MMP2: variants seen among roughly 807,000 people sequenced by gnomAD.
MMP2 encodes matrix metallopeptidase 2, also known as 72 kDa type IV collagenase.
In MMP2, 39 loss-of-function variants were observed where a neutral mutation model predicts 74.8. The observed-to-expected ratio is 0.52, with a 90% confidence interval of 0.40 to 0.68. The LOEUF (loss-of-function observed/expected upper bound fraction) is 0.68. MMP2 is among the 30% of genes least tolerant of loss of function. MMP2 has a pLI of 0.00. For synonymous variants in MMP2, 367 were observed against 339.8 expected, an observed-to-expected ratio of 1.08 and a Z score of -0.88; for missense variants, 803 against 878.3, an observed-to-expected ratio of 0.91 and a Z score of 1.08.
At chr16:55,481,247 G>A (rs1039435580) in intron 1 of MMP2, among the ~76,000 whole-genome samples, 1 of 152,126 alleles carries the variant, frequency 6.6e-6, no homozygotes, top group Non-Finnish European at 1.5e-5. Context: ...AAAAAGGGTG[G>A]GGAGTTCCTG....
chr16:55,489,968 G>A, intron 7 of MMP2, 144 bp downstream of exon 7: 1 of 923,002 alleles, frequency 1.1e-6, no homozygotes, highest in Non-Finnish European at 1.7e-6. Context: ...GCCCACCTGG[G>A]CTGAGACAAT....
rs243842 is a variant in MMP2, at chr16:55,493,510, T to C, written c.1472+217T>C. ...CTCTCATAGTCTGTGGGTCTACTAG[T>C]TATCTTGACTTTCAGCTACAGTTTG... is the stretch of plus-strand genomic sequence containing the variant. On this transcript the variant is annotated intron_variant, in intron 9 of 12. Transcript: ENST00000219070. 0.36 allele frequency among the ~76,000 whole-genome samples: 55,371 copies of C among 152,062 alleles called. 10,141 individuals are homozygous for C. The highest frequency in any genetic ancestry group is 0.39 in the South Asian group (1,869 of 4,816).
At chr16:55,488,939 T>C (rs1962331036) in intron 6 of MMP2, among the ~76,000 whole-genome samples, 1 of 152,126 alleles carries the variant, frequency 6.6e-6, no homozygotes, top group African/African-American at 2.4e-5. Flanking sequence ...GCATCAACAG[T>C]TGAATTGGTG....
chr16:55,504,960 GT>G (rs34621950), intron 12 of MMP2, among the ~76,000 whole-genome samples: 72,334 of 149,996 alleles, frequency 0.48, 17,382 homozygotes, highest in East Asian at 0.64. Context: ...CCACAGTTGA[GT>G]TTTTTTTTTG....
At chr16:55,494,051 C>T (rs1962478508) in intron 9 of MMP2, among the ~76,000 whole-genome samples, 1 of 152,204 alleles carries the variant, frequency 6.6e-6, no homozygotes, top group Non-Finnish European at 1.5e-5. Context: ...TCTACCCATC[C>T]ATCCATCCAT....
At position 55,505,525 on chromosome 16, in the gene MMP2, G is replaced by A; in HGVS notation, c.*83G>A. ...GAGAACTAGAGAAGGACCCGGAGGG[G>A]CCTGGCAGCCGTGCCTTCAGCTCTA... On this transcript the variant is annotated 3_prime_UTR_variant, in exon 13 of 13. Coordinates refer to ENST00000219070, the MANE Select transcript of MMP2 (RefSeq NM_004530.6). 1 of 1,196,214 alleles carries A rather than the reference G, an allele frequency of 8.4e-7. No individual in the cohort carries two copies. Among genetic ancestry groups the A allele is most frequent in the Non-Finnish European group, 1.2e-6 (1 of 802,016 alleles). 74.1% of individuals were successfully genotyped at this position (1,196,214 alleles called of 1,614,324 possible). A position where few individuals can be genotyped will look rare whatever the true frequency, so the allele number is the denominator to read the frequency against.
intron 9 of MMP2, among the ~76,000 whole-genome samples, chr16:55,495,720 A>T (rs1962514970): frequency 2.6e-5 from 4 of 152,214 alleles, no homozygotes; most frequent in Admixed American, 2.6e-4. Context: ...CAGTAGAGAG[A>T]AATTGCTTTC....
At position 55,479,517 on chromosome 16, in the gene MMP2, C is replaced by T. The variant is rs1183157128; in HGVS notation, c.38C>T (p.Pro13Leu). ...ALMARGALTG[P>L]LRALCLLGCL... Reference sequence around the variant, plus strand: ...ATGGCCCGGGGCGCGCTCACGGGTCCCCTGAGGGCGCTCTGTCTCCTGGGC... The same window carrying T: ...ATGGCCCGGGGCGCGCTCACGGGTCTCCTGAGGGCGCTCTGTCTCCTGGGC... Residue 13 changes from proline to leucine, a missense_variant, in exon 1 of 13, where the codon CCC becomes CTC. Coordinates refer to ENST00000219070, the MANE Select transcript of MMP2 (RefSeq NM_004530.6). 1.4e-5 allele frequency: 23 copies of T among 1,603,656 alleles called. No individual in the cohort carries two copies. Among genetic ancestry groups the T allele is most frequent in the Non-Finnish European group, 2.0e-5 (23 of 1,175,710 alleles).
chr16:55,482,846 C>T, intron 1 of MMP2, 63 bp from the exon 2 acceptor site: 1 of 1,410,402 alleles, frequency 7.1e-7, no homozygotes, highest in Non-Finnish European at 1.0e-6. Flanking sequence ...CTACAGCCTG[C>T]TTTGGTCAGT....
At chr16:55,493,350 C>A in intron 9 of MMP2, 57 bp downstream of exon 9, 1 of 1,609,188 alleles carries the variant, frequency 6.2e-7, no homozygotes, top group Non-Finnish European at 8.5e-7. Context: ...GCTCTTATAC[C>A]ATTATTCTTT....
intron 5 of MMP2, chr16:55,488,092 A>G (rs1033265202): frequency 4.0e-5 from 9 of 224,522 alleles, no homozygotes; most frequent in Admixed American, 2.6e-4. Flanking sequence ...GACCATGAGC[A>G]GTTTGAGAAC....
chr16:55,480,450 G>A (rs1430405851), intron 1 of MMP2: 1 of 152,316 alleles, frequency 6.6e-6, no homozygotes, highest in Admixed American at 6.5e-5. Flanking sequence ...CCGGCGCGTG[G>A]GGCGGGGGCG....
At chr16:55,488,393 C>T in intron 5 of MMP2, 150 bp from the exon 6 acceptor site, 1 of 777,972 alleles carries the variant, frequency 1.3e-6, no homozygotes, top group Non-Finnish European at 2.1e-6. Flanking sequence ...CTCAGAGAAG[C>T]AGCTCCTTAC....
Position 55,479,230 on chromosome 16 carries a change from A to G in MMP2, c.-250A>G. ...CCAGACTTCCTCAGGCGGTGGCTGG[A>G]GGCTGCGCATCTGGGGCTTTAAACA... On this transcript the variant is annotated 5_prime_UTR_variant, in exon 1 of 13. Transcript: ENST00000219070. 1 of 284,634 alleles carries G rather than the reference A, an allele frequency of 3.5e-6. No individual in the cohort carries two copies. Among genetic ancestry groups the G allele is most frequent in the Non-Finnish European group, 6.4e-6 (1 of 155,970 alleles). 17.6% of individuals were successfully genotyped at this position (284,634 alleles called of 1,614,324 possible). A position where few individuals can be genotyped will look rare whatever the true frequency, so the allele number is the denominator to read the frequency against.
rs17859890 is a variant in MMP2, at chr16:55,485,979, G to A, written c.832+202G>A. ...CTCTCCCACCAGTACCATGATGAAC[G>A]TAGTACTCTAATTAAATCAAGTTGA... On this transcript the variant is annotated intron_variant, in intron 5 of 12. Coordinates refer to ENST00000219070, the MANE Select transcript of MMP2 (RefSeq NM_004530.6). 9.1e-3 allele frequency among the ~76,000 whole-genome samples: 1,381 copies of A among 152,180 alleles called. 27 individuals carry two copies. The highest frequency in any genetic ancestry group is 0.031 in the African/African-American group (1,275 of 41,480).
intron 8 of MMP2, among the ~76,000 whole-genome samples, chr16:55,492,545 T>C (rs1231950287): frequency 6.6e-6 from 1 of 151,824 alleles, no homozygotes; most frequent in Admixed American, 6.6e-5. Context: ...ATGGTCCAGG[T>C]GATATCTGAG....
At chr16:55,491,174 C>T (rs1340486918) in intron 7 of MMP2, among the ~76,000 whole-genome samples, 13 of 151,350 alleles carry the variant, frequency 8.6e-5, no homozygotes, top group African/African-American at 2.2e-4. Flanking sequence ...AAGTGATTCT[C>T]CTGCCTATTT....
At chr16:55,489,907 AC>A in intron 7 of MMP2, 83 bp downstream of exon 7, 2 of 1,481,262 alleles carry the variant, frequency 1.4e-6, no homozygotes, top group Non-Finnish European at 1.8e-6. Flanking sequence ...CTGAGACCTC[AC>A]CCACTTCAAG....
Position 55,479,578 on chromosome 16 carries a change from C to T in MMP2, c.99C>T (p.Pro33=). 1 of 1,613,620 alleles carries T rather than the reference C, an allele frequency of 6.2e-7. No homozygotes were observed. The highest frequency in any genetic ancestry group is 8.5e-7 in the Non-Finnish European group (1 of 1,179,990). ...LLSHAAAAPS[P]IIKFPGDVAP... is the part of the protein sequence containing the mutation. Reference sequence around the variant, plus strand: ...GCCACGCCGCCGCCGCGCCGTCGCCCATCATCAAGTTCCCCGGCGATGTCG... The same window carrying T: ...GCCACGCCGCCGCCGCGCCGTCGCCTATCATCAAGTTCCCCGGCGATGTCG... Residue 33 remains proline, a synonymous_variant, in exon 1 of 13, where the codon CCC becomes CCT. Coordinates refer to ENST00000219070, the MANE Select transcript of MMP2 (RefSeq NM_004530.6).
Sources: allele counts gnomAD v4.1 joint callset (sites outside exome capture counted in the v4.1 genomes callset), GRCh38; gene constraint gnomAD v4.1.1; transcripts MANE v1.5; gene names NCBI Gene and HGNC (gene_info 2026-07-23, HGNC 2026-07-21).